Variants in SPATC1L observed in about 807,000 individuals in gnomAD.
SPATC1L encodes speriolin-like protein.
In SPATC1L, 20 loss-of-function variants were observed where a neutral mutation model predicts 21.2. The ratio of observed to expected loss-of-function variants is 0.94; its 90% CI spans 0.66 to 1.37. The LOEUF (loss-of-function observed/expected upper bound fraction) is 1.37, where lower values mean the gene tolerates loss of function less well. Among genes scored for constraint, SPATC1L ranks in the 40% most tolerant of loss-of-function variants. The pLI is 0.00. For synonymous variants in SPATC1L, 290 were observed against 234.5 expected, an observed-to-expected ratio of 1.24 and a Z score of -2.16; for missense variants, 499 against 478.7, an observed-to-expected ratio of 1.04 and a Z score of -0.40.
chr21:46,166,609 C>A (rs200914158), intron 3 of SPATC1L, among the ~76,000 whole-genome samples: 3 of 95,864 alleles, frequency 3.1e-5, no homozygotes, highest in African/African-American at 8.3e-5. Flanking sequence ...CAAATGAGAA[C>A]CAAAAAAGAG....
intron 2 of SPATC1L, among the ~76,000 whole-genome samples, chr21:46,181,285 C>T (rs1340982251): frequency 1.3e-5 from 2 of 152,174 alleles, no homozygotes; most frequent in African/African-American, 2.4e-5. Flanking sequence ...GCTCAGTGGC[C>T]GCTGATGGAG....
chr21:46,178,400 T>A (rs1177266940), intron 2 of SPATC1L, among the ~76,000 whole-genome samples: 1 of 151,872 alleles, frequency 6.6e-6, no homozygotes. Flanking sequence ...CGTGGACACA[T>A]AGAGGGGAAC....
In SPATC1L at chr21:46,161,605, T is replaced by C. The variant is rs1381768074; in HGVS notation, c.797A>G (p.Tyr266Cys). Residue 266 changes from tyrosine to cysteine, a missense_variant, in exon 5 of 5, where the codon TAC becomes TGC. Physicochemically the swap from Tyr to Cys is radical, Grantham distance 194. Transcript: ENST00000291672. ...GAACGCCGGGTGCACGTCGCGGCTG[T>C]AGCCCAGCTTCTCCAGGCGCGCGCT... is the stretch of plus-strand genomic sequence containing the variant. ...ALSARLEKLG[Y>C]SRDVHPAFSE... 2.5e-6 allele frequency: 4 copies of C among 1,610,334 alleles called. No homozygotes were observed. The highest frequency in any genetic ancestry group is 4.5e-5 in the East Asian group (2 of 44,820).
At chr21:46,182,108 C>T (rs1456474497) in intron 2 of SPATC1L, among the ~76,000 whole-genome samples, 6 of 152,180 alleles carry the variant, frequency 3.9e-5, no homozygotes, top group Non-Finnish European at 8.8e-5. Context: ...CTCCCCTGGC[C>T]GGTGGCTCTG....
chr21:46,175,908 A>T (rs1045343713), intron 2 of SPATC1L, among the ~76,000 whole-genome samples: 7 of 152,206 alleles, frequency 4.6e-5, no homozygotes, highest in Admixed American at 1.3e-4. Flanking sequence ...AAAATCCTCA[A>T]CAAAATTCTG....
In SPATC1L at chr21:46,168,477, G is replaced by A. The variant is rs1292427622; in HGVS notation, c.375C>T (p.Ser125=). 1.9e-6 allele frequency: 3 copies of A among 1,577,352 alleles called. No individual in the cohort carries two copies. In the East Asian group the frequency reaches 7.1e-5, roughly 37 times the overall value. The change falls in exon 3 of 5, where the codon AGC becomes AGT. Residue 125 remains serine (S), a synonymous_variant. Coordinates refer to ENST00000291672, the MANE Select transcript of SPATC1L (RefSeq NM_001142854.2). ...KAFLSPPEPH[S]HRGTDRKLSP... Reference sequence around the variant, plus strand: ...ACAGCTTCCTGTCGGTGCCTCGGTGGCTATGTGGCTCTGGGGGACTGAGGA... The same window carrying A: ...ACAGCTTCCTGTCGGTGCCTCGGTGACTATGTGGCTCTGGGGGACTGAGGA...
At chr21:46,162,967 C>T (rs1425967492) in intron 3 of SPATC1L, among the ~76,000 whole-genome samples, 1 of 151,432 alleles carries the variant, frequency 6.6e-6, no homozygotes, top group African/African-American at 2.4e-5. Flanking sequence ...CCGAACCCCC[C>T]TCCCCAGGAC....
Position 46,168,308 on chromosome 21 carries a change from C to G in SPATC1L, c.544G>C (p.Glu182Gln), listed in dbSNP as rs755298927. The G allele has an allele frequency of 4.5e-6, 7 of 1,572,354 alleles. No homozygotes were observed. The highest frequency in any genetic ancestry group is 5.2e-6 in the Non-Finnish European group (6 of 1,150,262). Reference protein sequence around the residue: ...DRTRRSYYLNEIQSFAGAEKD... With the variant: ...DRTRRSYYLNQIQSFAGAEKD... ...CAGGTGCCCCCGCACCCGGCCATAC[C>G]ATTGAGGTAGTAGCTCCTCCTGGTC... Residue 182 changes from glutamate to glutamine, a missense_variant and splice_region_variant, in exon 3 of 5, where the codon GAG (glutamate) becomes CAG (glutamine). By Grantham distance (29) the Glu-to-Gln change is conservative (BLOSUM62 2). Transcript: ENST00000291672.
rs751045910 is a variant in SPATC1L, at chr21:46,162,077, G to A, written c.545-10C>T. The A allele has an allele frequency of 2.6e-6, 4 of 1,562,486 alleles. No individual in the cohort carries two copies. In the Admixed American group the frequency reaches 7.4e-5, roughly 29 times the overall value. ...GCGAAGCTCTGGATCTCTGGGGGAG[G>A]GAAGGCCGGGGACAAGGTCAGGGGA... On this transcript the variant is annotated splice_polypyrimidine_tract_variant and intron_variant, in intron 3 of 4. Coordinates refer to ENST00000291672, the MANE Select transcript of SPATC1L (RefSeq NM_001142854.2).
rs1432284161 is a variant in SPATC1L at position 46,174,950 on chromosome 21, TAACA to T, written c.194-6296_194-6293del. Among the ~76,000 whole-genome samples, 5 of 152,288 alleles carry T rather than the reference TAACA, an allele frequency of 3.3e-5. No homozygotes were observed. In the East Asian group the frequency reaches 9.7e-4, roughly 29 times the overall value. ...AGCAAATGCAAAACAACTGGAATTA[TAACA>T]AACAATCTCTCAGACGACAACGGAC... On this transcript the variant is annotated intron_variant, in intron 2 of 4. Coordinates refer to ENST00000291672, the MANE Select transcript of SPATC1L (RefSeq NM_001142854.2).
rs543584533 is a variant in SPATC1L, at chr21:46,161,830, C to T, written c.696+86G>A. On this transcript the variant is annotated intron_variant, in intron 4 of 4. Coordinates refer to ENST00000291672, the MANE Select transcript of SPATC1L (RefSeq NM_001142854.2). ...GGGGTCCCCTCCTGCGGACAGTGCCCGGCCAGGAGCCAAGATCTGGGGGCC... is the reference window on the plus strand; with the variant it reads ...GGGGTCCCCTCCTGCGGACAGTGCCTGGCCAGGAGCCAAGATCTGGGGGCC... 65 of 1,536,774 alleles carry T rather than the reference C, an allele frequency of 4.2e-5. No homozygotes were observed. In the South Asian group the frequency reaches 4.3e-4, roughly 10 times the overall value.
In SPATC1L at chr21:46,161,329, G is replaced by A; in HGVS notation, c.*50C>T. 1 of 1,449,784 alleles carries A rather than the reference G, an allele frequency of 6.9e-7. No individual in the cohort carries two copies. The highest frequency in any genetic ancestry group is 1.4e-5 in the South Asian group (1 of 70,078). 89.8% of individuals were successfully genotyped at this position (1,449,784 alleles called of 1,614,324 possible). A position where few individuals can be genotyped will look rare whatever the true frequency, so the allele number is the denominator to read the frequency against. On this transcript the variant is annotated 3_prime_UTR_variant, in exon 5 of 5. Coordinates refer to ENST00000291672, the MANE Select transcript of SPATC1L (RefSeq NM_001142854.2). ...ACGCGCAGGAGGCACCGCGGCCCCG[G>A]GTTGGAACAAACGCGTTTACTGCAG...
At chr21:46,178,232 C>CAAAAAAAAAAAA (rs59110880) in intron 2 of SPATC1L, among the ~76,000 whole-genome samples, 2 of 39,460 alleles carry the variant, frequency 5.1e-5, no homozygotes, top group African/African-American at 1.1e-4. Context: ...AACTCCATCT[C>CAAAAAAAAAAAA]AAAAAAAAAA....
At chr21:46,168,889 G>A (rs533422076) in intron 2 of SPATC1L, among the ~76,000 whole-genome samples, 39 of 152,324 alleles carry the variant, frequency 2.6e-4, no homozygotes, top group African/African-American at 9.1e-4. Context: ...GGAGCACTGC[G>A]TCTATGGGCA....
rs997408047 is a variant in SPATC1L at position 46,161,281 on chromosome 21, G to T, written c.*98C>A. 2 of 1,207,574 alleles carry T rather than the reference G, an allele frequency of 1.7e-6. No homozygotes were observed. The highest frequency in any genetic ancestry group is 2.2e-6 in the Non-Finnish European group (2 of 908,460). The allele number at this position is 1,207,574 out of a possible 1,614,324, so 74.8% of individuals were successfully genotyped here. On this transcript the variant is annotated 3_prime_UTR_variant, in exon 5 of 5. Coordinates refer to ENST00000291672, the MANE Select transcript of SPATC1L (RefSeq NM_001142854.2). ...TTCTCTGGCCTCGCGCGCGGGGGACGCGGCCCTTTCCCCTCCGGGGGGACG... is the reference window on the plus strand; with the variant it reads ...TTCTCTGGCCTCGCGCGCGGGGGACTCGGCCCTTTCCCCTCCGGGGGGACG...
At position 46,182,801 on chromosome 21, in the gene SPATC1L, C is replaced by T. The variant is rs534033767; in HGVS notation, c.16G>A (p.Glu6Lys). 1.3e-4 allele frequency: 204 copies of T among 1,541,592 alleles called. 3 individuals are homozygous for T. In the South Asian group the frequency reaches 2.3e-3, roughly 17 times the overall value. ...TCGCTCAGGAGCCGGCTCATCAGCT[C>T]GCCGCCTTCAGCCATGGCGGGTGCG... MAEGG[E>K]LMSRLLSENA... The change falls in exon 2 of 5, where the codon GAG (glutamate) becomes AAG (lysine). Residue 6 changes from glutamate to lysine, a missense_variant. By Grantham distance (56) the Glu-to-Lys change is moderately conservative. Coordinates refer to ENST00000291672, the MANE Select transcript of SPATC1L (RefSeq NM_001142854.2).
At chr21:46,179,731 G>GGACACCTCTCCAGTGGA (rs2079658185) in intron 2 of SPATC1L, among the ~76,000 whole-genome samples, 1 of 152,214 alleles carries the variant, frequency 6.6e-6, no homozygotes, top group African/African-American at 2.4e-5. Context: ...GTCCTCCAGG[G>GGACACCTCTCCAGTGGA]GACACCTCTC....
intron 2 of SPATC1L, among the ~76,000 whole-genome samples, chr21:46,181,977 C>CTA (rs1173025316): frequency 2.6e-5 from 4 of 152,186 alleles, no homozygotes; most frequent in Admixed American, 6.5e-5. Flanking sequence ...TGACCAAACC[C>CTA]TATATATATA....
At position 46,168,533 on chromosome 21, in the gene SPATC1L, C is replaced by T. The variant is rs1019177102; in HGVS notation, c.319G>A (p.Ala107Thr). ...SSEDDTSPGCAAPSQAPFKAF... is the reference protein window; with the variant it reads ...SSEDDTSPGCTAPSQAPFKAF... ...TTGAAGGGTGCCTGGGAGGGGGCTG[C>T]ACAGCCCGGGGAGGTGTCGTCCTCG... is the stretch of plus-strand genomic sequence containing the variant. Residue 107 changes from alanine (A) to threonine (T), a missense_variant, in exon 3 of 5, where the codon GCA becomes ACA. Physicochemically the swap from Ala to Thr is moderately conservative, Grantham distance 58. Transcript: ENST00000291672. 2 of 1,530,664 alleles carry T rather than the reference C, an allele frequency of 1.3e-6. No homozygotes were observed. The highest frequency in any genetic ancestry group is 2.8e-5 in the African/African-American group (2 of 72,662). The allele number at this position is 1,530,664 out of a possible 1,614,324, so 94.8% of individuals were successfully genotyped here. A position where few individuals can be genotyped will look rare whatever the true frequency, so the allele number is the denominator to read the frequency against.
Sources: allele counts gnomAD v4.1 joint callset (sites outside exome capture counted in the v4.1 genomes callset), GRCh38; gene constraint gnomAD v4.1.1; transcripts MANE v1.5; gene names NCBI Gene and HGNC (gene_info 2026-07-23, HGNC 2026-07-21).